Variants in TIMP2 observed in about 807,000 individuals in gnomAD.
TIMP2 encodes the protein TIMP metallopeptidase inhibitor 2, also known as metalloproteinase inhibitor 2.
Under a neutral mutation model 24.3 loss-of-function variants are expected in TIMP2, and 5 were observed. The ratio of observed to expected loss-of-function variants is 0.21; its 90% CI spans 0.11 to 0.43. TIMP2 has a LOEUF of 0.43. Ranked by LOEUF, TIMP2 falls within the 20% of genes least tolerant of loss-of-function variation. The pLI is 1.00. For missense variants in TIMP2, 221 were observed against 297.5 expected, an observed-to-expected ratio of 0.74 and a Z score of 1.89; for synonymous variants, 130 against 123.2, an observed-to-expected ratio of 1.06 and a Z score of -0.37.
rs147714301 is a variant in TIMP2, at chr17:78,923,944, G to A, written c.130+1015C>T. On this transcript the variant is annotated intron_variant, in intron 1 of 4. Coordinates refer to ENST00000262768, the MANE Select transcript of TIMP2 (RefSeq NM_003255.5). ...TCTGCCCTGGACAGGTCACTCGACT[G>A]AGACTCAGACATAAGAAGGAAGGAG... Among the ~76,000 whole-genome samples, 7 of 152,284 alleles carry A rather than the reference G, an allele frequency of 4.6e-5. No individual in the cohort carries two copies. In the East Asian group the frequency reaches 1.4e-3, roughly 29 times the overall value.
chr17:78,916,142 C>T (rs1444520360), intron 1 of TIMP2, among the ~76,000 whole-genome samples: 1 of 152,104 alleles, frequency 6.6e-6, no homozygotes, highest in South Asian at 2.1e-4. Context: ...AGCTGGTGTC[C>T]CCCACTAGCT....
In TIMP2 at chr17:78,855,962, A is replaced by G; in HGVS notation, c.466-98T>C. 1 of 1,251,120 alleles carries G rather than the reference A, an allele frequency of 8.0e-7. No individual in the cohort carries two copies. The highest frequency in any genetic ancestry group is 1.2e-6 in the Non-Finnish European group (1 of 868,618). The allele number at this position is 1,251,120 out of a possible 1,614,324, so 77.5% of individuals were successfully genotyped here. On this transcript the variant is annotated intron_variant, in intron 4 of 4. Transcript: ENST00000262768. This position sits in a 1 kb window ranked among gnomAD's most constrained non-coding sequence, Gnocchi z 6.0. ...ATGTCCAGAACCCGGCAATGTGCCT[A>G]CCTGTCATGTGCAGGGATGGCAGCC...
chr17:78,886,056 C>T (rs757292356), intron 1 of TIMP2, among the ~76,000 whole-genome samples: 1 of 152,170 alleles, frequency 6.6e-6, no homozygotes, highest in Non-Finnish European at 1.5e-5. Flanking sequence ...AGTGCCCACA[C>T]CAATGCCCTA....
rs575442452 is a variant in TIMP2 at position 78,885,156 on chromosome 17, A to T, written c.131-11237T>A. On this transcript the variant is annotated intron_variant, in intron 1 of 4. Transcript: ENST00000262768. The stretch of plus-strand genomic sequence containing the variant: ...CCCACGCACCACTGCTCAGCCACGG[A>T]GGCCTTCCTGGGTCCCTGTGGTTTG... Among the ~76,000 whole-genome samples the T allele has an allele frequency of 3.9e-5, 6 of 152,344 alleles. No homozygotes were observed. The South Asian group carries it at 8.3e-4, about 21-fold the overall frequency.
chr17:78,924,904 C>G lies in TIMP2; in HGVS notation c.130+55G>C, dbSNP rs2070337644. 1.3e-5 allele frequency: 13 copies of G among 1,003,866 alleles called. No individual in the cohort carries two copies. Among genetic ancestry groups the G allele is most frequent in the Non-Finnish European group, 1.4e-5 (12 of 827,716 alleles). 62.2% of individuals were successfully genotyped at this position (1,003,866 alleles called of 1,614,324 possible). A position where few individuals can be genotyped will look rare whatever the true frequency, so the allele number is the denominator to read the frequency against. On this transcript the variant is annotated intron_variant, in intron 1 of 4. Coordinates refer to ENST00000262768, the MANE Select transcript of TIMP2 (RefSeq NM_003255.5). The surrounding 1 kb of genome is among the most constrained non-coding windows in gnomAD (Gnocchi z 5.3). ...GGCGGGCGGGGCGTCTGCGAACCCT[C>G]GGGGTCGCGGGGGAGGTGGGGCCCC...
chr17:78,905,986 T>G (rs1245645077), intron 1 of TIMP2, among the ~76,000 whole-genome samples: 1 of 152,236 alleles, frequency 6.6e-6, no homozygotes, highest in Non-Finnish European at 1.5e-5. Flanking sequence ...CCAATATATA[T>G]TCCCAAATAT....
chr17:78,886,603 A>G (rs2069827339), intron 1 of TIMP2, among the ~76,000 whole-genome samples: 1 of 151,850 alleles, frequency 6.6e-6, no homozygotes, highest in Non-Finnish European at 1.5e-5. Context: ...AGCCCTCCTG[A>G]CCCCCAGTTT....
intron 3 of TIMP2, among the ~76,000 whole-genome samples, chr17:78,867,012 G>A (rs965447137): frequency 6.6e-6 from 1 of 152,186 alleles, no homozygotes; most frequent in Admixed American, 6.5e-5. Context: ...TGTAATCCCA[G>A]CACTTTGGAA....
At chr17:78,860,312 G>A (rs1019878884) in intron 3 of TIMP2, among the ~76,000 whole-genome samples, 1 of 152,260 alleles carries the variant, frequency 6.6e-6, no homozygotes, top group Non-Finnish European at 1.5e-5. Context: ...TTGAGAAGCA[G>A]ACAGAGCCTC....
In TIMP2 at chr17:78,901,835, G is replaced by A. The variant is rs574621964; in HGVS notation, c.130+23124C>T. The A allele has an allele frequency of 3.2e-5, 23 of 710,710 alleles. No homozygotes were observed. In the African/African-American group the frequency reaches 3.7e-4, roughly 11 times the overall value. 44.0% of individuals were successfully genotyped at this position (710,710 alleles called of 1,614,324 possible). ...TAGACCACCCAGAACACATTACAGG[G>A]AGGCAGAAGCTGACAGGAGGGCAGG... On this transcript the variant is annotated intron_variant, in intron 1 of 4. Transcript: ENST00000262768.
At chr17:78,898,572 C>G (rs563789598) in intron 1 of TIMP2, 1 of 152,394 alleles carries the variant, frequency 6.6e-6, no homozygotes, top group African/African-American at 2.4e-5. Context: ...GTTGGTGCCT[C>G]TGAGTTCATC....
At chr17:78,900,130 T>C (rs555875462) in intron 1 of TIMP2, 5 of 152,316 alleles carry the variant, frequency 3.3e-5, no homozygotes, top group African/African-American at 1.2e-4. Context: ...AGAGGTCCCA[T>C]AAACTAAGTG....
rs2070234457 is a variant in TIMP2, at chr17:78,914,255, C to CTATGCATT, written c.130+10703_130+10704insAATGCATA. ...CATTCATCTGCCTTCGAAATTTTGGCTATTCATTTATTTATTTATTTATTT... is the reference window on the plus strand; with the variant it reads ...CATTCATCTGCCTTCGAAATTTTGGCTATGCATTTATTCATTTATTTATTTATTTATTT... On this transcript the variant is annotated intron_variant, in intron 1 of 4. Coordinates refer to ENST00000262768, the MANE Select transcript of TIMP2 (RefSeq NM_003255.5). 3.8e-5 allele frequency among the ~76,000 whole-genome samples: 4 copies of CTATGCATT among 106,666 alleles called. No individual in the cohort carries two copies. The East Asian group carries it at 1.3e-3, about 34-fold the overall frequency. 70.0% of individuals were successfully genotyped at this position (106,666 alleles called of 152,430 possible).
rs2069899156 is a variant in TIMP2 at position 78,891,748 on chromosome 17, C to A, written c.131-17829G>T. 6.4e-7 allele frequency: 1 copy of A among 1,551,262 alleles called. No individual in the cohort carries two copies. The highest frequency in any genetic ancestry group is 1.7e-4 in the Middle Eastern group (1 of 5,998). On this transcript the variant is annotated intron_variant, in intron 1 of 4. Transcript: ENST00000262768. This position sits in a 1 kb window ranked among gnomAD's most constrained non-coding sequence, Gnocchi z 4.5. The stretch of plus-strand genomic sequence containing the variant: ...CCACAGCAGCCACGAGTGGGTTTGA[C>A]CTTTCTAGGTCCGCCCCTTTGCTCC...
At chr17:78,910,253 C>T (rs368588504) in intron 1 of TIMP2, among the ~76,000 whole-genome samples, 106 of 150,702 alleles carry the variant, frequency 7.0e-4, no homozygotes, top group African/African-American at 2.4e-3. Flanking sequence ...AGTGTGGTGG[C>T]GTGATCTCGG....
In TIMP2 at chr17:78,855,783, T is replaced by C; in HGVS notation, c.547A>G (p.Ile183Val). Residue 183 changes from isoleucine (I) to valine (V), a missense_variant, in exon 5 of 5, where the codon ATC (isoleucine) becomes GTC (valine). Coordinates refer to ENST00000262768, the MANE Select transcript of TIMP2 (RefSeq NM_003255.5). This position sits in a 1 kb window ranked among gnomAD's most constrained non-coding sequence, Gnocchi z 6.0. ...AAGAACTTGGCCTGGTGCCCGTTGA[T>C]GTTCTTCTCTGTGACCCAGTCCATC... Reference protein sequence around the residue: ...LWMDWVTEKNINGHQAKFFAC... With the variant: ...LWMDWVTEKNVNGHQAKFFAC... 1 of 1,614,150 alleles carries C rather than the reference T, an allele frequency of 6.2e-7. No homozygotes were observed. Among genetic ancestry groups the C allele is most frequent in the Non-Finnish European group, 8.5e-7 (1 of 1,180,018 alleles).
At chr17:78,866,530 T>C (rs1183323906) in intron 3 of TIMP2, among the ~76,000 whole-genome samples, 1 of 99,370 alleles carries the variant, frequency 1.0e-5, no homozygotes. Context: ...ACCCCACCAA[T>C]TCCACTGCCA....
intron 1 of TIMP2, chr17:78,892,311 G>A (rs1400891915): frequency 2.3e-5 from 36 of 1,550,556 alleles, no homozygotes; most frequent in Non-Finnish European, 3.1e-5. Context: ...CAGAGGCTCA[G>A]CCACATGGCT....
At chr17:78,905,769 A>C (rs562901142) in intron 1 of TIMP2, among the ~76,000 whole-genome samples, 1 of 152,356 alleles carries the variant, frequency 6.6e-6, no homozygotes, top group South Asian at 2.1e-4. Flanking sequence ...CATGGGATTC[A>C]CTACTGGCCT....
Sources: gnomAD v4.1 joint callset for allele counts (sites outside exome capture counted in the v4.1 genomes callset) on GRCh38, gnomAD v4.1.1 for gene constraint, Gnocchi (gnomAD v3.1) non-coding constraint, MANE v1.5 for transcripts, NCBI Gene and HGNC (gene_info 2026-07-23, HGNC 2026-07-21) for gene names.